DOP1B: variants seen among roughly 807,000 people sequenced by gnomAD.
The protein encoded by DOP1B is DOP1 leucine zipper like protein B, also known as protein DOP1B.
A neutral mutation model predicts 233.5 loss-of-function variants in DOP1B; 174 were observed. That is an observed-to-expected ratio of 0.75 (90% confidence interval 0.66 to 0.85). DOP1B has a LOEUF of 0.85. Among genes scored for constraint, DOP1B ranks in the 40% least tolerant of loss-of-function variants. The probability of loss-of-function intolerance (pLI) is 0.00; values close to 1 mark genes in which losing one functional copy is unlikely to be tolerated. For missense variants in DOP1B, 2,652 were observed against 2,846.6 expected (o/e 0.93, Z 1.56); for synonymous variants, 1,190 against 1,185.6 (o/e 1.00, Z -0.08).
intron 2 of DOP1B, among the ~76,000 whole-genome samples, chr21:36,183,389 G>C (rs1237839141): frequency 6.6e-6 from 1 of 152,204 alleles, no homozygotes; most frequent in Non-Finnish European, 1.5e-5. Context: ...ATTTAAACCT[G>C]TATGGCTTGA....
rs2067199375 is a variant in DOP1B at position 36,263,610 on chromosome 21, C to G, written c.5380C>G (p.Gln1794Glu). 1 of 1,614,028 alleles carries G rather than the reference C, an allele frequency of 6.2e-7. No individual in the cohort carries two copies. The highest frequency in any genetic ancestry group is 1.1e-5 in the South Asian group (1 of 91,090). The change falls in exon 25 of 37, where the codon CAG (glutamine) becomes GAG (glutamate). Residue 1794 changes from glutamine (Q) to glutamate (E), a missense_variant. Gln to Glu is a conservative substitution (Grantham distance 29). This residue lies in a region of DOP1B where 2,617 missense variants were observed against 2,794.3 expected (regional missense o/e 0.94). Transcript: ENST00000691173. ...SLLGVLKESV[Q>E]LNLAPPGYFL... ...GTTGGGAGTATTGAAAGAGTCTGTA[C>G]AGTTGAATCTAGCCCCACCTGGGTA...
intron 23 of DOP1B, among the ~76,000 whole-genome samples, chr21:36,259,607 G>T (rs80214871): frequency 5.3e-5 from 8 of 152,246 alleles, no homozygotes; most frequent in African/African-American, 1.9e-4. Context: ...TTAGGAGTGG[G>T]AATGGTGCTC....
chr21:36,284,153 T>TTGACCAGGC (rs1299949611), intron 32 of DOP1B, among the ~76,000 whole-genome samples: 1 of 151,920 alleles, frequency 6.6e-6, no homozygotes, highest in African/African-American at 2.4e-5. Context: ...TTTCGCCATG[T>TTGACCAGGC]TGACCAGGCT....
chr21:36,252,676 G>A (rs2067044594), intron 22 of DOP1B, among the ~76,000 whole-genome samples: 1 of 151,890 alleles, frequency 6.6e-6, no homozygotes, highest in Non-Finnish European at 1.5e-5. Context: ...ACCACACTCA[G>A]CTAATTTTTG....
In DOP1B at chr21:36,289,312, C is replaced by G. The variant is rs2067528297; in HGVS notation, c.6515+106C>G. The stretch of plus-strand genomic sequence containing the variant: ...TGTACAGTTTATGGGAAACCACCAT[C>G]TGGGTTTCTAGTGACAGCTAAGCCA... On this transcript the variant is annotated intron_variant, in intron 35 of 36. Coordinates refer to ENST00000691173, the MANE Select transcript of DOP1B (RefSeq NM_001320714.2). The G allele has an allele frequency of 5.0e-6, 6 of 1,210,160 alleles. 1 individual carries two copies. In the South Asian group the frequency reaches 8.2e-5, roughly 17 times the overall value. The allele number at this position is 1,210,160 out of a possible 1,614,324, so 75.0% of individuals were successfully genotyped here.
At chr21:36,239,191 CAT>C (rs2123570713) in intron 17 of DOP1B, among the ~76,000 whole-genome samples, 1 of 152,284 alleles carries the variant, frequency 6.6e-6, no homozygotes, top group Admixed American at 6.5e-5. Context: ...AGGCCAGACA[CAT>C]GTGAACACAT....
At chr21:36,271,860 G>C (rs556266720) in intron 27 of DOP1B, among the ~76,000 whole-genome samples, 1 of 150,410 alleles carries the variant, frequency 6.6e-6, no homozygotes, top group South Asian at 2.1e-4. Context: ...AAGCTGGGAG[G>C]GTTGGCTCAT....
At chr21:36,272,303 C>T (rs1348257431) in intron 27 of DOP1B, among the ~76,000 whole-genome samples, 2 of 151,984 alleles carry the variant, frequency 1.3e-5, no homozygotes, top group Non-Finnish European at 2.9e-5. Flanking sequence ...TCCTGGTTAG[C>T]GGGCATGGTG....
At chr21:36,188,235 G>C (rs1260264037) in intron 2 of DOP1B, among the ~76,000 whole-genome samples, 1 of 152,206 alleles carries the variant, frequency 6.6e-6, no homozygotes, top group Admixed American at 6.5e-5. Flanking sequence ...AGAGAAGGAA[G>C]CTCCTTGTTT....
chr21:36,237,240 G>A (rs369883643), intron 15 of DOP1B, 22 bp from the exon 16 acceptor site: 58 of 1,613,928 alleles, frequency 3.6e-5, no homozygotes, highest in Admixed American at 5.0e-5. Context: ...GTCCCCCACC[G>A]CCTGCCTTTT....
At position 36,245,416 on chromosome 21, in the gene DOP1B, G is replaced by T; in HGVS notation, c.3436G>T (p.Ala1146Ser). 1 of 1,614,042 alleles carries T rather than the reference G, an allele frequency of 6.2e-7. No individual in the cohort carries two copies. The highest frequency in any genetic ancestry group is 8.5e-7 in the Non-Finnish European group (1 of 1,180,034). Reference sequence around the variant, plus strand: ...GCTGAGCAACGAAGAGAACTGCTGTGCACCCATCCCCATGGGGGGCAGGGC... The same window carrying T: ...GCTGAGCAACGAAGAGAACTGCTGTTCACCCATCCCCATGGGGGGCAGGGC... ...QELSNEENCC[A>S]PIPMGGRAYP... The change falls in exon 19 of 37, where the codon GCA (alanine) becomes TCA (serine). Residue 1146 changes from alanine to serine, a missense_variant. Ala to Ser is a moderately conservative substitution (Grantham distance 99). This residue lies in a region of DOP1B where 2,617 missense variants were observed against 2,794.3 expected (regional missense o/e 0.94). Transcript: ENST00000691173. This position sits in a 1 kb window ranked among gnomAD's most constrained non-coding sequence, Gnocchi z 5.5.
intron 24 of DOP1B, 160 bp downstream of exon 24, chr21:36,260,892 T>C (rs2067161975): frequency 1.4e-6 from 2 of 1,447,690 alleles, no homozygotes; most frequent in East Asian, 2.5e-5. Flanking sequence ...TATTGATCTA[T>C]GCTTTTCCTT....
chr21:36,215,619 G>A (rs2066550255), intron 9 of DOP1B, among the ~76,000 whole-genome samples: 1 of 151,386 alleles, frequency 6.6e-6, no homozygotes. Flanking sequence ...TGGCTAAGCT[G>A]GTCTCAAACT....
chr21:36,269,093 C>T (rs1295709548), intron 26 of DOP1B, among the ~76,000 whole-genome samples: 2 of 152,190 alleles, frequency 1.3e-5, no homozygotes, highest in Non-Finnish European at 2.9e-5. Flanking sequence ...GTGCAAAACA[C>T]ACATTGGATT....
rs766823927 is a variant in DOP1B at position 36,208,831 on chromosome 21, TG to T, written c.610del (p.Val204TrpfsTer25). On this transcript the variant is annotated frameshift_variant, in exon 5 of 37. Coordinates refer to ENST00000691173, the MANE Select transcript of DOP1B (RefSeq NM_001320714.2). LOFTEE classifies it high-confidence loss of function. ...PSIRLPASVF[V>X]VGHINRDAPG... ...ATCCGCCTCCCTGCCTCAGTCTTCGTGGTGGGCCACATCAACAGGGATGCCC... is the reference window on the plus strand; with the variant it reads ...ATCCGCCTCCCTGCCTCAGTCTTCGTGTGGGCCACATCAACAGGGATGCCC... 1 of 1,601,228 alleles carries T rather than the reference TG, an allele frequency of 6.2e-7. No homozygotes were observed. The highest frequency in any genetic ancestry group is 8.5e-7 in the Non-Finnish European group (1 of 1,173,826).
At chr21:36,291,717 T>C (rs2067561740) in intron 35 of DOP1B, among the ~76,000 whole-genome samples, 2 of 152,106 alleles carry the variant, frequency 1.3e-5, no homozygotes, top group South Asian at 2.1e-4. Context: ...ACAAAAAGAA[T>C]TGAAGAACTG....
intron 2 of DOP1B, among the ~76,000 whole-genome samples, chr21:36,190,076 G>T (rs754785409): frequency 2.6e-5 from 4 of 151,232 alleles, no homozygotes; most frequent in Admixed American, 6.6e-5. Context: ...CCAGCACTTT[G>T]GGAGGCTGAG....
At chr21:36,169,126 C>T in intron 2 of DOP1B, 1 of 895,560 alleles carries the variant, frequency 1.1e-6, no homozygotes, top group Non-Finnish European at 1.8e-6. Flanking sequence ...TGGTCTGCAC[C>T]AGCAAAGATG....
Position 36,225,677 on chromosome 21 carries a change from G to T in DOP1B, c.1473+10G>T, listed in dbSNP as rs761100361. On this transcript the variant is annotated intron_variant, in intron 12 of 36. Transcript: ENST00000691173. ...GGATGTCATTCCTTTGGTGAGTGCT[G>T]GGGAAGGGACATCTCAACGCCTGCT... is the stretch of plus-strand genomic sequence containing the variant. 45 of 1,613,894 alleles carry T rather than the reference G, an allele frequency of 2.8e-5. No individual in the cohort carries two copies. The highest frequency in any genetic ancestry group is 3.7e-5 in the Non-Finnish European group (44 of 1,179,892).
Sources: gnomAD v4.1 joint callset for allele counts (sites outside exome capture counted in the v4.1 genomes callset) on GRCh38, gnomAD v4.1.1 for gene constraint, gnomAD v4.1.1 regional missense constraint, Gnocchi (gnomAD v3.1) non-coding constraint, MANE v1.5 for transcripts, NCBI Gene and HGNC (gene_info 2026-07-23, HGNC 2026-07-21) for gene names.